VWA3B: variants seen among roughly 807,000 people sequenced by gnomAD.
VWA3B encodes von Willebrand factor A domain containing 3B, also known as von Willebrand factor A domain-containing protein 3B.
A neutral mutation model predicts 158.3 loss-of-function variants in VWA3B; 138 were observed. That is an observed-to-expected ratio of 0.87 (90% confidence interval 0.76 to 1.00). The LOEUF (loss-of-function observed/expected upper bound fraction) is 1.00. Among genes scored for constraint, VWA3B ranks in the 50% least tolerant of loss-of-function variants. The pLI, the probability that VWA3B is intolerant of heterozygous loss-of-function variation, is 0.00. For synonymous variants in VWA3B, 596 were observed against 587.3 expected (o/e 1.01, Z -0.21); for missense variants, 1,555 against 1,565.1 (o/e 0.99, Z 0.11).
chr2:98,204,477 T>C (rs1682846679), intron 12 of VWA3B, among the ~76,000 whole-genome samples: 1 of 152,254 alleles, frequency 6.6e-6, no homozygotes, highest in African/African-American at 2.4e-5. Context: ...GAAGGTTGCA[T>C]TTGCCAAATC....
At chr2:98,237,899 AATAG>A (rs1182522353) in intron 19 of VWA3B, among the ~76,000 whole-genome samples, 1 of 152,200 alleles carries the variant, frequency 6.6e-6, no homozygotes, top group Non-Finnish European at 1.5e-5. Context: ...GAGTAGATGA[AATAG>A]ATAGACCACA....
intron 6 of VWA3B, among the ~76,000 whole-genome samples, chr2:98,130,127 T>C (rs1272869047): frequency 6.6e-6 from 1 of 152,126 alleles, no homozygotes; most frequent in African/African-American, 2.4e-5. Flanking sequence ...GGTAAACACA[T>C]GAACAAATGT....
intron 19 of VWA3B, among the ~76,000 whole-genome samples, chr2:98,248,814 T>G (rs949629247): frequency 2.0e-5 from 3 of 151,272 alleles, no homozygotes; most frequent in Admixed American, 2.0e-4. Context: ...TGTCTCTCTT[T>G]CTCTTTCTTT....
chr2:98,100,832 C>G (rs369232614), intron 2 of VWA3B, among the ~76,000 whole-genome samples: 1 of 152,186 alleles, frequency 6.6e-6, no homozygotes, highest in East Asian at 1.9e-4. Flanking sequence ...TAAAACTATC[C>G]TTTATACCCT....
chr2:98,211,770 T>C (rs773879693), intron 12 of VWA3B, among the ~76,000 whole-genome samples, 160 bp from the exon 13 acceptor site: 2 of 152,224 alleles, frequency 1.3e-5, no homozygotes, highest in Non-Finnish European at 2.9e-5. Flanking sequence ...CTGCGATATG[T>C]TTCTTGGAAT....
intron 19 of VWA3B, among the ~76,000 whole-genome samples, chr2:98,238,073 C>T (rs964843925): frequency 6.6e-6 from 1 of 152,094 alleles, no homozygotes; most frequent in African/African-American, 2.4e-5. Flanking sequence ...TCTAACTGGC[C>T]TTGAAATAGC....
At chr2:98,099,985 TG>T (rs1201931466) in intron 2 of VWA3B, among the ~76,000 whole-genome samples, 1 of 152,228 alleles carries the variant, frequency 6.6e-6, no homozygotes, top group Non-Finnish European at 1.5e-5. Flanking sequence ...ATTGTTTCTC[TG>T]TATTTTCTTG....
At chr2:98,134,008 GAAGTA>G (rs930501927) in intron 7 of VWA3B, 69 bp downstream of exon 7, 16 of 1,324,144 alleles carry the variant, frequency 1.2e-5, no homozygotes, top group Middle Eastern at 1.8e-4. Flanking sequence ...GGATCATTAG[GAAGTA>G]AAGTACGAGG....
chr2:98,239,694 A>G (rs1357969491), intron 19 of VWA3B, among the ~76,000 whole-genome samples: 2 of 152,062 alleles, frequency 1.3e-5, no homozygotes, highest in African/African-American at 4.8e-5. Context: ...GCAGCGGATC[A>G]TTAGGTCAGG....
rs576179997 is a variant in VWA3B at position 98,141,039 on chromosome 2, G to A, written c.988+7100G>A. Among the ~76,000 whole-genome samples the A allele has an allele frequency of 9.2e-5, 14 of 152,296 alleles. No individual in the cohort carries two copies. The East Asian group carries it at 2.5e-3, about 27-fold the overall frequency. On this transcript the variant is annotated intron_variant, in intron 7 of 27. Transcript: ENST00000477737. ...ATTGCCTTGGCACCTGGCTCTCAGG[G>A]AATCTGTTGGACAGTCCTCCTACCC...
chr2:98,313,956 C>T (rs1394965091), downstream of VWA3B, among the ~76,000 whole-genome samples: 1 of 152,146 alleles, frequency 6.6e-6, no homozygotes. Context: ...TACAGAATGG[C>T]AGCAACTAGA....
intron 10 of VWA3B, among the ~76,000 whole-genome samples, chr2:98,188,963 C>T (rs184791158): frequency 5.1e-4 from 78 of 152,308 alleles, no homozygotes; most frequent in African/African-American, 1.8e-3. Context: ...TTTTCTAGGC[C>T]ACACGTGTAT....
At chr2:98,167,303 G>T (rs1372061894) in intron 8 of VWA3B, among the ~76,000 whole-genome samples, 1 of 152,050 alleles carries the variant, frequency 6.6e-6, no homozygotes. Context: ...AGAAGGTGAG[G>T]CCACTGATAG....
At chr2:98,113,810 G>A (rs1174626253) in intron 2 of VWA3B, among the ~76,000 whole-genome samples, 3 of 152,074 alleles carry the variant, frequency 2.0e-5, no homozygotes, top group Admixed American at 2.0e-4. Flanking sequence ...ATGTTTTTAA[G>A]GTTCATCCAT....
chr2:98,087,698 G>GTTCCC (rs1305614748), intron 1 of VWA3B, among the ~76,000 whole-genome samples: 3 of 152,182 alleles, frequency 2.0e-5, no homozygotes, highest in Admixed American at 2.0e-4. Context: ...AGGTGATGAA[G>GTTCCC]TCCACCTGGG....
chr2:98,266,483 G>A (rs1411199876), intron 21 of VWA3B, among the ~76,000 whole-genome samples: 3 of 151,076 alleles, frequency 2.0e-5, no homozygotes, highest in Non-Finnish European at 4.4e-5. Context: ...GTAGTGTGAT[G>A]CCTCCAGCTT....
intron 5 of VWA3B, chr2:98,121,922 T>C: frequency 6.4e-6 from 1 of 155,640 alleles, no homozygotes; most frequent in Non-Finnish European, 1.4e-5. Context: ...TTTCCCAGCA[T>C]CCATATTCTG....
chr2:98,276,992 G>A (rs1486220894), intron 22 of VWA3B, among the ~76,000 whole-genome samples: 1 of 152,188 alleles, frequency 6.6e-6, no homozygotes, highest in Non-Finnish European at 1.5e-5. Context: ...TGTCCAGGGA[G>A]CCTGTGCCTG....
At chr2:98,304,359 G>A (rs924325328) in intron 26 of VWA3B, among the ~76,000 whole-genome samples, 1 of 152,158 alleles carries the variant, frequency 6.6e-6, no homozygotes, top group Non-Finnish European at 1.5e-5. Flanking sequence ...GGCCAACGAG[G>A]GGCATCAAAA....
Sources: allele counts gnomAD v4.1 joint callset (sites outside exome capture counted in the v4.1 genomes callset), GRCh38; gene constraint gnomAD v4.1.1; transcripts MANE v1.5; gene names NCBI Gene and HGNC (gene_info 2026-07-23, HGNC 2026-07-21).